The following RTN1 variants were observed in gnomAD, a reference collection of about 807,000 sequenced individuals.
RTN1 encodes reticulon 1, also known as reticulon-1.
In RTN1, 25 loss-of-function variants were observed where a neutral mutation model predicts 65.5. The observed-to-expected ratio is 0.38, with a 90% CI of 0.28 to 0.53. RTN1 has a LOEUF of 0.53. Among genes scored for constraint, RTN1 ranks in the 20% least tolerant of loss-of-function variants. The pLI is 0.79. For synonymous variants in RTN1, 471 were observed against 447.6 expected, an observed-to-expected ratio of 1.05 and a Z score of -0.66; for missense variants, 983 against 1,025.4, an observed-to-expected ratio of 0.96 and a Z score of 0.57.
intron 1 of RTN1, among the ~76,000 whole-genome samples, chr14:59,850,088 T>C (rs1887477913): frequency 1.3e-5 from 2 of 152,182 alleles, no homozygotes; most frequent in South Asian, 4.1e-4. Flanking sequence ...TCTCTTCAGT[T>C]GACACTCATT....
intron 1 of RTN1, among the ~76,000 whole-genome samples, chr14:59,860,119 C>T (rs1887681651): frequency 1.3e-5 from 2 of 152,218 alleles, no homozygotes; most frequent in South Asian, 4.1e-4. Flanking sequence ...GTCTCCAGGG[C>T]ATGTCAGAGG....
At chr14:59,782,026 T>C (rs7494644) in intron 1 of RTN1, among the ~76,000 whole-genome samples, 59,110 of 151,784 alleles carry the variant, frequency 0.39, 11,745 homozygotes, top group Middle Eastern at 0.49. Context: ...GGCAGCTTCA[T>C]GAATGGGATT....
At chr14:59,831,808 CACGA>C (rs1218083006) in intron 1 of RTN1, among the ~76,000 whole-genome samples, 1 of 151,856 alleles carries the variant, frequency 6.6e-6, no homozygotes, top group African/African-American at 2.4e-5. Context: ...GGAGAACACT[CACGA>C]ACTTACCAGC....
chr14:59,692,193 G>C (rs1883976150), intron 3 of RTN1, among the ~76,000 whole-genome samples: 1 of 152,156 alleles, frequency 6.6e-6, no homozygotes, highest in Non-Finnish European at 1.5e-5. Context: ...TAAAGACTCT[G>C]CCAAAAGACT....
At chr14:59,860,206 T>C (rs1295151904) in intron 1 of RTN1, among the ~76,000 whole-genome samples, 2 of 152,170 alleles carry the variant, frequency 1.3e-5, no homozygotes, top group African/African-American at 4.8e-5. Context: ...CAGGGTCCCG[T>C]GCTGTATGCA....
rs190189064 is a variant in RTN1 at position 59,790,900 on chromosome 14, T to C, written c.242-44419A>G. Among the ~76,000 whole-genome samples the C allele has an allele frequency of 1.3e-5, 2 of 152,260 alleles. No individual in the cohort carries two copies. Among genetic ancestry groups the C allele is most frequent in the Admixed American group, 1.3e-4 (2 of 15,296 alleles). ...TATTTGAAGCCTTTCTTCCAAGTCA[T>C]TATTTCAGGTTTTCTTCATGCCTAT... On this transcript the variant is annotated intron_variant, in intron 1 of 8. Coordinates refer to ENST00000267484, the MANE Select transcript of RTN1 (RefSeq NM_021136.3). This position sits in a 1 kb window ranked among gnomAD's most constrained non-coding sequence, Gnocchi z 4.1.
intron 3 of RTN1, among the ~76,000 whole-genome samples, chr14:59,607,910 A>AG (rs1881815530): frequency 6.9e-6 from 1 of 143,940 alleles, no homozygotes; most frequent in East Asian, 1.9e-4. Context: ...TAAAAAAAAA[A>AG]AAAAAGAGAG....
chr14:59,716,134 C>T (rs186326897), intron 3 of RTN1, among the ~76,000 whole-genome samples: 1 of 152,294 alleles, frequency 6.6e-6, no homozygotes, highest in African/African-American at 2.4e-5. Flanking sequence ...CATCTATATA[C>T]ATTTTTGATA....
chr14:59,618,231 T>A (rs1005525208), intron 3 of RTN1, among the ~76,000 whole-genome samples: 3 of 152,122 alleles, frequency 2.0e-5, no homozygotes, highest in Non-Finnish European at 4.4e-5. Context: ...AGCCATAAGA[T>A]GAGAAATTAT....
intron 8 of RTN1, among the ~76,000 whole-genome samples, chr14:59,600,651 G>A (rs1281840492): frequency 6.6e-6 from 1 of 152,088 alleles, no homozygotes; most frequent in African/African-American, 2.4e-5. Flanking sequence ...TTATTTGGAA[G>A]AATTGTTGTT....
intron 3 of RTN1, among the ~76,000 whole-genome samples, chr14:59,618,406 C>T (rs181645583): frequency 1.3e-5 from 2 of 152,300 alleles, no homozygotes; most frequent in East Asian, 3.9e-4. Context: ...TACCCAGGAA[C>T]TGACTGAGCA....
In RTN1 at chr14:59,606,126, A is replaced by ATATATATATATATATC. The variant is rs66961672; in HGVS notation, c.1974-621_1974-620insGATATATATATATATA. ...ATGATATATATATATATATATATAT[A>ATATATATATATATATC]TCATACCAGCTTAAGCCTCCTCTGC... On this transcript the variant is annotated intron_variant, in intron 4 of 8. Transcript: ENST00000267484. 85 of 124,146 alleles carry ATATATATATATATATC rather than the reference A, an allele frequency of 6.8e-4. 1 individual carries two copies. Among genetic ancestry groups the ATATATATATATATATC allele is most frequent in the African/African-American group, 2.8e-3 (73 of 25,790 alleles). The allele number at this position is 124,146 out of a possible 1,614,324, so 7.7% of individuals were successfully genotyped here.
chr14:59,749,340 A>C (rs183370718), intron 1 of RTN1, among the ~76,000 whole-genome samples: 3 of 52,568 alleles, frequency 5.7e-5, no homozygotes, highest in Admixed American at 3.2e-4. Context: ...ATATATATCT[A>C]TATATATCTA....
chr14:59,818,967 G>A lies in RTN1; in HGVS notation c.241+51423C>T, dbSNP rs565174824. Among the ~76,000 whole-genome samples, 43 of 152,310 alleles carry A rather than the reference G, an allele frequency of 2.8e-4. 1 individual carries two copies. Among genetic ancestry groups the A allele is most frequent in the Admixed American group, 6.5e-4 (10 of 15,298 alleles). On this transcript the variant is annotated intron_variant, in intron 1 of 8. Transcript: ENST00000267484. ...GTGTTAAAGCTCTTAAAGGCAGCGC[G>A]TCTGGAATTGTCCGTTCCTTCCAGT...
chr14:59,696,649 G>T (rs938209055), intron 3 of RTN1, among the ~76,000 whole-genome samples: 28 of 152,060 alleles, frequency 1.8e-4, no homozygotes, highest in African/African-American at 5.1e-4. Context: ...TTCTACCAAG[G>T]TGTGGAGTCC....
At chr14:59,749,855 C>T (rs1320208254) in intron 1 of RTN1, among the ~76,000 whole-genome samples, 2 of 104,880 alleles carry the variant, frequency 1.9e-5, no homozygotes, top group African/African-American at 7.6e-5. Flanking sequence ...ATATATATAT[C>T]TATATGTATA....
At chr14:59,697,344 T>C (rs2139444348) in intron 3 of RTN1, among the ~76,000 whole-genome samples, 1 of 152,340 alleles carries the variant, frequency 6.6e-6, no homozygotes, top group South Asian at 2.1e-4. Context: ...AGAGTGATGA[T>C]GTGCTTGAGA....
At chr14:59,646,970 A>C (rs1033321553) in intron 3 of RTN1, 2 of 154,128 alleles carry the variant, frequency 1.3e-5, no homozygotes, top group Non-Finnish European at 2.9e-5. Flanking sequence ...TTCTTTAACC[A>C]GCTTGTCACT....
chr14:59,700,192 T>A (rs968777989), intron 3 of RTN1, among the ~76,000 whole-genome samples: 7 of 152,112 alleles, frequency 4.6e-5, no homozygotes, highest in Non-Finnish European at 7.4e-5. Flanking sequence ...GCAAGACTTG[T>A]ACAATGACAA....
Sources: gnomAD v4.1 joint callset for allele counts (sites outside exome capture counted in the v4.1 genomes callset) on GRCh38, gnomAD v4.1.1 for gene constraint, Gnocchi (gnomAD v3.1) non-coding constraint, MANE v1.5 for transcripts, NCBI Gene and HGNC (gene_info 2026-07-23, HGNC 2026-07-21) for gene names.